SEH1L: variants seen among roughly 807,000 people sequenced by gnomAD.
SEH1L encodes nucleoporin SEH1.
A neutral mutation model predicts 49.5 loss-of-function variants in SEH1L; 18 were observed. The ratio of observed to expected loss-of-function variants is 0.36; its 90% CI spans 0.25 to 0.54. The LOEUF (loss-of-function observed/expected upper bound fraction) is 0.54. Ranked by LOEUF, SEH1L falls within the 20% of genes least tolerant of loss-of-function variation. SEH1L has a pLI of 0.87. For synonymous variants in SEH1L, 169 were observed against 178.1 expected, an observed-to-expected ratio of 0.95 and a Z score of 0.41; for missense variants, 404 against 528.8, an observed-to-expected ratio of 0.76 and a Z score of 2.31.
rs1258473460 is a variant in SEH1L at position 12,971,137 on chromosome 18, T to C, written c.522-16T>C. The C allele has an allele frequency of 6.4e-7, 1 of 1,571,808 alleles. No individual in the cohort carries two copies. Among genetic ancestry groups the C allele is most frequent in the South Asian group, 1.1e-5 (1 of 90,040 alleles). On this transcript the variant is annotated splice_polypyrimidine_tract_variant and intron_variant, in intron 4 of 8. Coordinates refer to ENST00000399892, the MANE Select transcript of SEH1L (RefSeq NM_001013437.2). ...TTTCTTTTGTTATCTAAAATGTTCT[T>C]TCTCCCCGTTTCTAGCTCTCGTGCT...
At chr18:12,955,706 A>T in intron 3 of SEH1L, 97 bp downstream of exon 3, 5 of 1,208,758 alleles carry the variant, frequency 4.1e-6, no homozygotes, top group Non-Finnish European at 4.7e-6. Flanking sequence ...AAATATCACC[A>T]CTCCCCTCTA....
At chr18:12,948,420 C>G (rs1030847961) in intron 1 of SEH1L, 188 bp downstream of exon 1, 1 of 473,476 alleles carries the variant, frequency 2.1e-6, no homozygotes, top group Non-Finnish European at 3.7e-6. Flanking sequence ...GGCGGCCTCG[C>G]GGGCCGCCCT....
At chr18:12,969,390 A>G (rs2031595848) in intron 4 of SEH1L, among the ~76,000 whole-genome samples, 2 of 151,830 alleles carry the variant, frequency 1.3e-5, no homozygotes, top group African/African-American at 2.4e-5. Flanking sequence ...TCCAGTCTCA[A>G]TTAAAAAAAA....
intron 5 of SEH1L, chr18:12,977,373 A>G (rs1231743779): frequency 6.6e-6 from 1 of 152,222 alleles, no homozygotes; most frequent in Non-Finnish European, 1.5e-5. Context: ...ATTTATAGAT[A>G]AAGAAATAGA....
intron 3 of SEH1L, among the ~76,000 whole-genome samples, chr18:12,957,964 C>T (rs1375560111): frequency 2.0e-5 from 3 of 151,966 alleles, no homozygotes; most frequent in African/African-American, 7.3e-5. Context: ...TCACCTCGGC[C>T]TCCCAAAGTG....
chr18:12,952,360 G>C (rs924482939), intron 2 of SEH1L, among the ~76,000 whole-genome samples: 7 of 151,780 alleles, frequency 4.6e-5, no homozygotes, highest in Non-Finnish European at 1.0e-4. Context: ...AGCCTCCCAA[G>C]TAGCTGGGAC....
chr18:12,985,165 T>TA (rs2032414213), intron 8 of SEH1L: 1 of 1,494,582 alleles, frequency 6.7e-7, no homozygotes, highest in Non-Finnish European at 9.2e-7. Flanking sequence ...TCTGTATTCT[T>TA]ATTGTGCCAA....
At chr18:12,981,485 C>T (rs971981098) in intron 6 of SEH1L, among the ~76,000 whole-genome samples, 3 of 152,226 alleles carry the variant, frequency 2.0e-5, no homozygotes, top group South Asian at 2.1e-4. Context: ...GCGGATCACT[C>T]GCGGTTAGGA....
chr18:12,948,490 C>T, intron 1 of SEH1L: 1 of 329,452 alleles, frequency 3.0e-6, no homozygotes, highest in Non-Finnish European at 5.5e-6. Context: ...TACGCCGGGC[C>T]CTCTCCCAGG....
rs1368065321 is a variant in SEH1L at position 12,982,527 on chromosome 18, G to A, written c.771G>A (p.Leu257=). Residue 257 remains leucine (L), a synonymous_variant, in exon 7 of 9, where the codon CTG becomes CTA. Transcript: ENST00000399892. ...IFTLKPVRKE[L]TSSGGPTKFE... is the part of the protein sequence containing the mutation. ...TGTTTTTTATTAACAGGAAAGAACTGACTTCCTCTGGTGGGCCAACAAAGT... is the reference window on the plus strand; with the variant it reads ...TGTTTTTTATTAACAGGAAAGAACTAACTTCCTCTGGTGGGCCAACAAAGT... The A allele has an allele frequency of 6.2e-7, 1 of 1,608,638 alleles. No individual in the cohort carries two copies. Among genetic ancestry groups the A allele is most frequent in the Non-Finnish European group, 8.5e-7 (1 of 1,178,490 alleles).
intron 6 of SEH1L, among the ~76,000 whole-genome samples, 160 bp downstream of exon 6, chr18:12,979,052 T>C (rs938201909): frequency 2.6e-5 from 4 of 151,566 alleles, no homozygotes; most frequent in Non-Finnish European, 5.9e-5. Flanking sequence ...AAAAATGGTC[T>C]TTTACAGTTA....
intron 8 of SEH1L, chr18:12,985,378 C>T: frequency 6.8e-7 from 1 of 1,474,084 alleles, no homozygotes; most frequent in Non-Finnish European, 9.0e-7. Context: ...CAGCAGCCTG[C>T]TTACTACTAA....
At chr18:12,980,155 C>T (rs1228763322) in intron 6 of SEH1L, among the ~76,000 whole-genome samples, 24 of 119,162 alleles carry the variant, frequency 2.0e-4, no homozygotes, top group East Asian at 6.8e-4. Context: ...CCAGTAGGGG[C>T]GGCCGGGCAG....
chr18:12,978,266 A>T (rs2032007154), intron 5 of SEH1L: 1 of 152,686 alleles, frequency 6.5e-6, no homozygotes, highest in Non-Finnish European at 1.5e-5. Flanking sequence ...TTAACACAGA[A>T]ATGTATTCAC....
At chr18:12,985,560 G>A in intron 8 of SEH1L, 14 of 1,129,758 alleles carry the variant, frequency 1.2e-5, no homozygotes, top group African/African-American at 1.6e-5. Context: ...AAGATTAAAA[G>A]GGTTGTTACC....
intron 3 of SEH1L, among the ~76,000 whole-genome samples, chr18:12,956,269 C>T (rs1180229260): frequency 6.6e-6 from 1 of 152,020 alleles, no homozygotes; most frequent in Admixed American, 6.6e-5. Context: ...TGGTCTCGAT[C>T]TCCTGACCTC....
At chr18:12,966,185 TG>T (rs1242411795) in intron 4 of SEH1L, among the ~76,000 whole-genome samples, 2 of 149,174 alleles carry the variant, frequency 1.3e-5, no homozygotes, top group East Asian at 4.1e-4. Context: ...CTCCGCCTCC[TG>T]GGTTTAAGAG....
chr18:12,976,008 C>T (rs2031901775), intron 5 of SEH1L: 3 of 345,930 alleles, frequency 8.7e-6, no homozygotes, highest in African/African-American at 6.7e-5. Flanking sequence ...TTTGGAACAT[C>T]CAGGTGGGGA....
chr18:12,981,691 A>G (rs981342282), intron 6 of SEH1L, among the ~76,000 whole-genome samples: 1 of 152,178 alleles, frequency 6.6e-6, no homozygotes, highest in African/African-American at 2.4e-5. Context: ...TATAACTGAT[A>G]ATCTATAAAT....
Sources: gnomAD v4.1 joint callset for allele counts (sites outside exome capture counted in the v4.1 genomes callset) on GRCh38, gnomAD v4.1.1 for gene constraint, MANE v1.5 for transcripts, NCBI Gene and HGNC (gene_info 2026-07-23, HGNC 2026-07-21) for gene names.